The following TRIQK variants were observed in gnomAD, a reference collection of about 807,000 sequenced individuals.
TRIQK encodes triple QxxK/R motif-containing protein.
In TRIQK, 10 loss-of-function variants were observed where a neutral mutation model predicts 10.8. The observed-to-expected ratio is 0.92, with a 90% confidence interval of 0.57 to 1.57. The LOEUF (loss-of-function observed/expected upper bound fraction) is 1.57, where lower values mean the gene tolerates loss of function less well. Among genes scored for constraint, TRIQK ranks in the 40% most tolerant of loss-of-function variants. The probability of loss-of-function intolerance (pLI) is 0.00; values close to 1 mark genes in which losing one functional copy is unlikely to be tolerated. For missense variants in TRIQK, 107 were observed against 97.7 expected (o/e 1.09, Z -0.40); for synonymous variants, 33 against 33.7 (o/e 0.98, Z 0.07).
At chr8:92,930,650 C>T (rs956879963) in intron 2 of TRIQK, among the ~76,000 whole-genome samples, 2 of 152,032 alleles carry the variant, frequency 1.3e-5, no homozygotes, top group African/African-American at 2.4e-5. Flanking sequence ...CTGAGGTTCA[C>T]AAAGGGCAGT....
intron 2 of TRIQK, among the ~76,000 whole-genome samples, chr8:92,932,163 A>G (rs1360934632): frequency 6.6e-6 from 1 of 152,048 alleles, no homozygotes; most frequent in East Asian, 1.9e-4. Context: ...CTAGGTGCCT[A>G]TGAAACTATG....
intron 1 of TRIQK, among the ~76,000 whole-genome samples, chr8:93,001,181 G>T (rs1813207505): frequency 6.6e-6 from 1 of 151,382 alleles, no homozygotes; most frequent in Non-Finnish European, 1.5e-5. Context: ...GTGGCGGGTA[G>T]CTGTAGTCCC....
At chr8:92,967,525 A>T (rs910728344), upstream of TRIQK, among the ~76,000 whole-genome samples, 1 of 152,172 alleles carries the variant, frequency 6.6e-6, no homozygotes, top group African/African-American at 2.4e-5. Flanking sequence ...TTAATCTTTT[A>T]AAAATATTTG....
At chr8:92,910,795 A>G (rs2130416369) in intron 3 of TRIQK, among the ~76,000 whole-genome samples, 1 of 151,512 alleles carries the variant, frequency 6.6e-6, no homozygotes, top group African/African-American at 2.4e-5. Flanking sequence ...CAATTTACAA[A>G]TGCTAAGCAA....
chr8:92,888,163 CT>C (rs1816580972), intron 4 of TRIQK, among the ~76,000 whole-genome samples: 1 of 151,664 alleles, frequency 6.6e-6, no homozygotes, highest in South Asian at 2.1e-4. Flanking sequence ...CAAACTCCAT[CT>C]GTTCTGTATA....
intron 1 of TRIQK, among the ~76,000 whole-genome samples, chr8:92,961,272 G>A (rs1028527851): frequency 1.3e-5 from 2 of 152,074 alleles, no homozygotes; most frequent in Admixed American, 6.6e-5. Context: ...TATCGATAAA[G>A]GGGACGGTGT....
chr8:92,897,035 T>C (rs1175768378), intron 3 of TRIQK, among the ~76,000 whole-genome samples: 1 of 152,122 alleles, frequency 6.6e-6, no homozygotes, highest in Admixed American at 6.6e-5. Context: ...CATGCTGGTC[T>C]TGAACTCCTG....
intron 1 of TRIQK, among the ~76,000 whole-genome samples, chr8:92,978,387 C>G (rs561176985): frequency 6.6e-6 from 1 of 152,190 alleles, no homozygotes; most frequent in Non-Finnish European, 1.5e-5. Flanking sequence ...AGATGTTGTC[C>G]AAATTTTCAG....
At chr8:93,008,111 GAGA>G (rs753809304) in intron 1 of TRIQK, among the ~76,000 whole-genome samples, 12 of 152,136 alleles carry the variant, frequency 7.9e-5, no homozygotes, top group Non-Finnish European at 1.6e-4. Context: ...ACATAGGAAA[GAGA>G]AGAACAGGTT....
At chr8:92,993,895 A>G (rs1488665580) in intron 1 of TRIQK, among the ~76,000 whole-genome samples, 1 of 152,140 alleles carries the variant, frequency 6.6e-6, no homozygotes, top group Non-Finnish European at 1.5e-5. Context: ...TTATTCGAGT[A>G]AGAGATATTG....
intron 2 of TRIQK, among the ~76,000 whole-genome samples, chr8:92,946,083 T>C (rs2130633884): frequency 6.6e-6 from 1 of 152,272 alleles, no homozygotes; most frequent in South Asian, 2.1e-4. Flanking sequence ...GATACTTTGA[T>C]GATATACAGA....
At chr8:92,915,473 C>T (rs181548198) in intron 3 of TRIQK, among the ~76,000 whole-genome samples, 12 of 151,366 alleles carry the variant, frequency 7.9e-5, no homozygotes, top group African/African-American at 2.4e-4. Context: ...ACCTTAAATA[C>T]GTACTATAAA....
intron 3 of TRIQK, 84 bp from the exon 4 acceptor site, chr8:92,892,158 A>C (rs1293561218): frequency 1.0e-6 from 1 of 991,348 alleles, no homozygotes; most frequent in East Asian, 2.8e-5. Context: ...AGAATGTTTA[A>C]ATACAGTGAA....
chr8:93,002,936 C>A (rs1467962427), intron 1 of TRIQK, among the ~76,000 whole-genome samples: 1 of 151,182 alleles, frequency 6.6e-6, no homozygotes, highest in African/African-American at 2.4e-5. Flanking sequence ...AAAAAAAAAC[C>A]TCATTAATTG....
At chr8:92,918,552 C>A (rs950293694) in intron 2 of TRIQK, among the ~76,000 whole-genome samples, 6 of 151,884 alleles carry the variant, frequency 4.0e-5, no homozygotes, top group Non-Finnish European at 8.8e-5. Flanking sequence ...AGATCTTTTG[C>A]CCATTTTTAA....
At chr8:92,946,385 A>T (rs1221295193) in intron 2 of TRIQK, among the ~76,000 whole-genome samples, 1 of 152,208 alleles carries the variant, frequency 6.6e-6, no homozygotes, top group Non-Finnish European at 1.5e-5. Flanking sequence ...ATAAATATCA[A>T]CATTCCCTTT....
At chr8:92,966,299 C>G (rs1812749103), upstream of TRIQK, among the ~76,000 whole-genome samples, 1 of 152,202 alleles carries the variant, frequency 6.6e-6, no homozygotes, top group African/African-American at 2.4e-5. Flanking sequence ...ATACCTGTCT[C>G]ACGAGGTGAC....
intron 1 of TRIQK, among the ~76,000 whole-genome samples, chr8:93,011,668 A>G (rs1813338021): frequency 6.6e-6 from 1 of 152,184 alleles, no homozygotes; most frequent in African/African-American, 2.4e-5. Flanking sequence ...GATGAGGAGA[A>G]GGAAGAAGAA....
chr8:92,984,149 C>T (rs1183905120), intron 1 of TRIQK, among the ~76,000 whole-genome samples: 1 of 152,176 alleles, frequency 6.6e-6, no homozygotes, highest in Admixed American at 6.5e-5. Flanking sequence ...ATAATACTGA[C>T]TTGGCATTCC....
Sources: allele counts gnomAD v4.1 joint callset (sites outside exome capture counted in the v4.1 genomes callset), GRCh38; gene constraint gnomAD v4.1.1; transcripts MANE v1.5; gene names NCBI Gene and HGNC (gene_info 2026-07-23, HGNC 2026-07-21).